The following UGT8 variants were observed in gnomAD, a reference collection of about 807,000 sequenced individuals.
UGT8 encodes the protein 2-hydroxyacylsphingosine 1-beta-galactosyltransferase.
UGT8 carries 12 observed loss-of-function variants against 40.5 expected under a neutral mutation model. That is an observed-to-expected ratio of 0.30 (90% CI 0.19 to 0.48). UGT8 has a LOEUF of 0.48. Ranked by LOEUF, UGT8 falls within the 20% of genes least tolerant of loss-of-function variation. The probability of loss-of-function intolerance (pLI) is 0.99; values close to 1 mark genes in which losing one functional copy is unlikely to be tolerated. For synonymous variants in UGT8, 224 were observed against 240.4 expected, an observed-to-expected ratio of 0.93 and a Z score of 0.63; for missense variants, 513 against 648.7, an observed-to-expected ratio of 0.79 and a Z score of 2.27.
intron 2 of UGT8, among the ~76,000 whole-genome samples, chr4:114,639,364 T>C (rs1217829299): frequency 6.6e-6 from 1 of 152,226 alleles, no homozygotes; most frequent in Non-Finnish European, 1.5e-5. Context: ...CCTGGTTCTC[T>C]TGTTTAACAT....
At chr4:114,663,375 T>C (rs1365624616) in intron 2 of UGT8, among the ~76,000 whole-genome samples, 2 of 152,136 alleles carry the variant, frequency 1.3e-5, no homozygotes, top group Non-Finnish European at 2.9e-5. Context: ...GTGTCATTCT[T>C]ACAGTGGAAT....
chr4:114,676,346 T>G lies in UGT8; in HGVS notation c.*58T>G. On this transcript the variant is annotated 3_prime_UTR_variant, in exon 6 of 6. Transcript: ENST00000310836. ...TCACTCATTGAATTTTTATTGCTAT[T>G]ATTTAGTCTAACAGCTACTAAAAGT... is the stretch of plus-strand genomic sequence containing the variant. 4 of 1,411,092 alleles carry G rather than the reference T, an allele frequency of 2.8e-6. No homozygotes were observed. Among genetic ancestry groups the G allele is most frequent in the African/African-American group, 1.4e-5 (1 of 69,706 alleles). The allele number at this position is 1,411,092 out of a possible 1,614,324, so 87.4% of individuals were successfully genotyped here.
chr4:114,614,235 G>T (rs6838143), intron 1 of UGT8, among the ~76,000 whole-genome samples: 143,904 of 152,218 alleles, frequency 0.95, 68,609 homozygotes, highest in East Asian at 1. Flanking sequence ...AACAACAACT[G>T]TCTTTATAAC....
intron 2 of UGT8, among the ~76,000 whole-genome samples, chr4:114,630,739 A>G (rs535053880): frequency 1.3e-5 from 2 of 152,168 alleles, no homozygotes; most frequent in African/African-American, 4.8e-5. Flanking sequence ...GAGTTTCTTA[A>G]GAAATGAACA....
rs1207504921 is a variant in UGT8, at chr4:114,634,132, G to T, written c.822+10430G>T. ...AGAATTGAATGGGGTGAAGTTGAGT[G>T]ATGGGCGGTTCTAAAAAACCCAGTT... On this transcript the variant is annotated intron_variant, in intron 2 of 5. Coordinates refer to ENST00000310836, the MANE Select transcript of UGT8 (RefSeq NM_001128174.3). Among the ~76,000 whole-genome samples, 6 of 152,172 alleles carry T rather than the reference G, an allele frequency of 3.9e-5. No individual in the cohort carries two copies. The East Asian group carries it at 1.2e-3, about 29-fold the overall frequency.
intron 2 of UGT8, among the ~76,000 whole-genome samples, chr4:114,647,756 C>A (rs1159249392): frequency 6.6e-6 from 1 of 152,104 alleles, no homozygotes; most frequent in African/African-American, 2.4e-5. Context: ...GGCTAAGTGA[C>A]TCTAGGGTAC....
intron 3 of UGT8, among the ~76,000 whole-genome samples, chr4:114,664,840 T>C (rs1217231285): frequency 6.6e-6 from 1 of 152,212 alleles, no homozygotes; most frequent in East Asian, 1.9e-4. Flanking sequence ...CCATAGTTAC[T>C]ACCATGAGTG....
chr4:114,652,516 G>T (rs10015886), intron 2 of UGT8, among the ~76,000 whole-genome samples: 3 of 151,798 alleles, frequency 2.0e-5, no homozygotes, highest in Non-Finnish European at 4.4e-5. Context: ...TTTATGATGG[G>T]TCTAGGAGTT....
At position 114,640,069 on chromosome 4, in the gene UGT8, C is replaced by T. The variant is rs371264635; in HGVS notation, c.822+16367C>T. The stretch of plus-strand genomic sequence containing the variant: ...TTTTTGAGACGGAGTCTCGCTCTGT[C>T]GCCCAGGCTGGAGTGCAGTGGCGCG... On this transcript the variant is annotated intron_variant, in intron 2 of 5. Transcript: ENST00000310836. Among the ~76,000 whole-genome samples the T allele has an allele frequency of 7.9e-3, 1,102 of 139,642 alleles. 15 individuals are homozygous for T. Among genetic ancestry groups the T allele is most frequent in the African/African-American group, 0.026 (1,003 of 38,056 alleles). The allele number at this position is 139,642 out of a possible 152,430, so 91.6% of individuals were successfully genotyped here. A position where few individuals can be genotyped will look rare whatever the true frequency, so the allele number is the denominator to read the frequency against.
chr4:114,633,989 A>G (rs1732736732), intron 2 of UGT8, among the ~76,000 whole-genome samples: 1 of 152,082 alleles, frequency 6.6e-6, no homozygotes, highest in South Asian at 2.1e-4. Context: ...AAGAACAATA[A>G]AAGGGGAAGA....
chr4:114,621,023 A>G (rs547871995), intron 1 of UGT8, among the ~76,000 whole-genome samples: 73 of 152,268 alleles, frequency 4.8e-4, no homozygotes, highest in African/African-American at 1.7e-3. Context: ...TGGGGGTCTA[A>G]TTTAGAGTCT....
chr4:114,639,799 A>G (rs1257484582), intron 2 of UGT8, among the ~76,000 whole-genome samples: 1 of 152,230 alleles, frequency 6.6e-6, no homozygotes, highest in Non-Finnish European at 1.5e-5. Context: ...AGTACTTGGC[A>G]CACAGTAAAC....
intron 2 of UGT8, among the ~76,000 whole-genome samples, chr4:114,656,043 G>C (rs905521935): frequency 1.1e-4 from 17 of 152,240 alleles, no homozygotes; most frequent in African/African-American, 3.4e-4. Flanking sequence ...TCACAGAAGG[G>C]ATGCTATATT....
At chr4:114,639,563 A>G (rs1025281873) in intron 2 of UGT8, among the ~76,000 whole-genome samples, 19 of 152,068 alleles carry the variant, frequency 1.2e-4, no homozygotes, top group Admixed American at 6.6e-5. Context: ...TTGTCTCTTG[A>G]CTTTTCCATA....
At chr4:114,599,807 A>G (rs1369488741) in intron 1 of UGT8, among the ~76,000 whole-genome samples, 3 of 152,140 alleles carry the variant, frequency 2.0e-5, no homozygotes, top group African/African-American at 7.2e-5. Context: ...TTTGGATTTG[A>G]AGGAGGCAAA....
At chr4:114,647,981 T>G (rs1303046294) in intron 2 of UGT8, among the ~76,000 whole-genome samples, 1 of 152,206 alleles carries the variant, frequency 6.6e-6, no homozygotes, top group Non-Finnish European at 1.5e-5. Flanking sequence ...TGCTTATTTT[T>G]ATGTTTAGTG....
intron 2 of UGT8, among the ~76,000 whole-genome samples, chr4:114,648,967 C>G (rs1200551209): frequency 6.6e-6 from 1 of 152,114 alleles, no homozygotes; most frequent in Non-Finnish European, 1.5e-5. Flanking sequence ...AGAACTGGAG[C>G]TTAATTCTAA....
chr4:114,637,144 CT>C (rs1553933778), intron 2 of UGT8, among the ~76,000 whole-genome samples: 1 of 152,076 alleles, frequency 6.6e-6, no homozygotes, highest in Non-Finnish European at 1.5e-5. Flanking sequence ...ATGAATGCCC[CT>C]AATACCAGTT....
intron 1 of UGT8, among the ~76,000 whole-genome samples, chr4:114,621,092 G>A (rs963254735): frequency 4.6e-5 from 7 of 152,068 alleles, no homozygotes; most frequent in Admixed American, 2.0e-4. Context: ...TGGTCCCCAC[G>A]TATAGTATAT....
Sources: gnomAD v4.1 joint callset for allele counts (sites outside exome capture counted in the v4.1 genomes callset) on GRCh38, gnomAD v4.1.1 for gene constraint, MANE v1.5 for transcripts, NCBI Gene and HGNC (gene_info 2026-07-23, HGNC 2026-07-21) for gene names.